The following UBAC2 variants were observed in gnomAD, a reference collection of about 807,000 sequenced individuals.
UBAC2 encodes ubiquitin-associated domain-containing protein 2.
In UBAC2, 26 loss-of-function variants were observed where a neutral mutation model predicts 44.0. The ratio of observed to expected loss-of-function variants is 0.59; its 90% CI spans 0.43 to 0.82. UBAC2 has a LOEUF of 0.82. Among genes scored for constraint, UBAC2 ranks in the 40% least tolerant of loss-of-function variants. The probability of loss-of-function intolerance (pLI) is 0.00; values close to 1 mark genes in which losing one functional copy is unlikely to be tolerated. For synonymous variants in UBAC2, 155 were observed against 154.3 expected, an observed-to-expected ratio of 1.00 and a Z score of -0.04; for missense variants, 329 against 419.4, an observed-to-expected ratio of 0.78 and a Z score of 1.88.
intron 4 of UBAC2, chr13:99,255,504 A>G (rs374546166): frequency 2.5e-4 from 398 of 1,614,008 alleles, no homozygotes; most frequent in Middle Eastern, 3.3e-4. Context: ...TCGGCTGTAC[A>G]ATGGCCATGT....
At chr13:99,351,673 C>G in intron 7 of UBAC2, 2 of 456,704 alleles carry the variant, frequency 4.4e-6, no homozygotes, top group South Asian at 1.5e-5. Flanking sequence ...ATAAAACTTT[C>G]CATTAGGCAT....
intron 1 of UBAC2, among the ~76,000 whole-genome samples, chr13:99,203,660 G>T (rs990959450): frequency 6.6e-6 from 1 of 152,180 alleles, no homozygotes; most frequent in Non-Finnish European, 1.5e-5. Flanking sequence ...CATCAAACAG[G>T]CTAACAAGTC....
At chr13:99,214,182 C>T (rs1402926455) in intron 1 of UBAC2, among the ~76,000 whole-genome samples, 15 of 148,538 alleles carry the variant, frequency 1.0e-4, no homozygotes, top group Non-Finnish European at 4.5e-5. Context: ...CCTGCTGTTT[C>T]TTCAATCTTG....
chr13:99,281,271 A>G (rs2043951290), intron 4 of UBAC2, among the ~76,000 whole-genome samples: 1 of 152,144 alleles, frequency 6.6e-6, no homozygotes, highest in African/African-American at 2.4e-5. Context: ...ATTTGGGTTC[A>G]GTGATTTTTT....
At chr13:99,215,651 G>T in intron 1 of UBAC2, 1 of 1,368,294 alleles carries the variant, frequency 7.3e-7, no homozygotes, top group East Asian at 2.3e-5. Context: ...TAGATTTCAG[G>T]TGTTGATGAA....
chr13:99,303,498 A>G (rs182910547), intron 4 of UBAC2, among the ~76,000 whole-genome samples: 1 of 152,346 alleles, frequency 6.6e-6, no homozygotes, highest in Admixed American at 6.5e-5. Flanking sequence ...AAGTTATTGA[A>G]GATGAAGATG....
At chr13:99,341,072 T>G (rs2044878066) in intron 7 of UBAC2, among the ~76,000 whole-genome samples, 1 of 152,158 alleles carries the variant, frequency 6.6e-6, no homozygotes, top group Admixed American at 6.5e-5. Flanking sequence ...AATCAGAAAT[T>G]ATTGCACATT....
chr13:99,314,383 A>G (rs2044459330), intron 5 of UBAC2, among the ~76,000 whole-genome samples, 163 bp downstream of exon 5: 1 of 152,054 alleles, frequency 6.6e-6, no homozygotes, highest in South Asian at 2.1e-4. Context: ...GTTACAGAAC[A>G]AGAACATCAA....
In UBAC2 at chr13:99,369,645, G is replaced by A. The variant is rs564866869; in HGVS notation, c.927+1739G>A. 4.6e-5 allele frequency among the ~76,000 whole-genome samples: 7 copies of A among 152,274 alleles called. No homozygotes were observed. In the South Asian group the frequency reaches 6.2e-4, roughly 14 times the overall value. ...GGATTTATTGGGACTTAACTCCATC[G>A]TAGGTTGAGGAGCGCTTGTAATCTC... On this transcript the variant is annotated intron_variant, in intron 8 of 8. Coordinates refer to ENST00000403766, the MANE Select transcript of UBAC2 (RefSeq NM_001144072.2).
At chr13:99,254,544 G>A (rs1750213751) in intron 4 of UBAC2, among the ~76,000 whole-genome samples, 2 of 152,120 alleles carry the variant, frequency 1.3e-5, no homozygotes, top group African/African-American at 4.8e-5. Context: ...ACCTAAGGGA[G>A]CTGCATCTAG....
chr13:99,238,166 T>C (rs1445077876), intron 1 of UBAC2, among the ~76,000 whole-genome samples: 2 of 152,238 alleles, frequency 1.3e-5, no homozygotes, highest in East Asian at 3.8e-4. Flanking sequence ...TCTATGGAAG[T>C]TCTGGCTGTA....
chr13:99,355,001 G>A (rs778662139), intron 7 of UBAC2, among the ~76,000 whole-genome samples: 14 of 151,660 alleles, frequency 9.2e-5, no homozygotes, highest in African/African-American at 2.9e-4. Flanking sequence ...CGCCTGCCAC[G>A]GTGAACGCAG....
At chr13:99,352,227 C>G (rs1289859517) in intron 7 of UBAC2, among the ~76,000 whole-genome samples, 1 of 152,138 alleles carries the variant, frequency 6.6e-6, no homozygotes, top group Non-Finnish European at 1.5e-5. Flanking sequence ...TAACTCACCC[C>G]CTCGAAGTGT....
At chr13:99,234,233 A>G in intron 1 of UBAC2, 1 of 121,620 alleles carries the variant, frequency 8.2e-6, no homozygotes, top group Non-Finnish European at 1.6e-5. Flanking sequence ...CCCAGGCTGG[A>G]GTGCAGTGGC....
chr13:99,217,765 A>C (rs1162790364), intron 1 of UBAC2, among the ~76,000 whole-genome samples: 1 of 152,038 alleles, frequency 6.6e-6, no homozygotes, highest in Non-Finnish European at 1.5e-5. Flanking sequence ...AAATTGGCTT[A>C]TTTCAGACCT....
At chr13:99,347,774 C>T (rs1010269117) in intron 7 of UBAC2, among the ~76,000 whole-genome samples, 2 of 150,578 alleles carry the variant, frequency 1.3e-5, no homozygotes, top group Non-Finnish European at 3.0e-5. Context: ...TGTGCTTTGA[C>T]CTCCTACAGA....
intron 4 of UBAC2, among the ~76,000 whole-genome samples, chr13:99,285,220 T>C (rs1290006665): frequency 2.6e-5 from 4 of 152,140 alleles, no homozygotes; most frequent in Non-Finnish European, 5.9e-5. Flanking sequence ...TTACATTTGC[T>C]TTTGCATTCG....
At chr13:99,322,419 C>T (rs1243119012) in intron 6 of UBAC2, among the ~76,000 whole-genome samples, 2 of 152,108 alleles carry the variant, frequency 1.3e-5, no homozygotes, top group Non-Finnish European at 2.9e-5. Context: ...TCTCAAAAGC[C>T]GAGGTCTCAG....
intron 1 of UBAC2, among the ~76,000 whole-genome samples, chr13:99,214,700 A>T (rs973994143): frequency 2.0e-5 from 3 of 151,684 alleles, no homozygotes. Context: ...CAGACCTCCA[A>T]CCCCCTCATT....
Sources: allele counts gnomAD v4.1 joint callset (sites outside exome capture counted in the v4.1 genomes callset), GRCh38; gene constraint gnomAD v4.1.1; transcripts MANE v1.5; gene names NCBI Gene and HGNC (gene_info 2026-07-23, HGNC 2026-07-21).